CRLF1: variants seen among roughly 807,000 people sequenced by gnomAD.
CRLF1 encodes cytokine receptor like factor 1.
CRLF1 carries 36 observed loss-of-function variants against 48.9 expected under a neutral mutation model. That is an observed-to-expected ratio of 0.74 (90% CI 0.56 to 0.97). The LOEUF is 0.97. CRLF1 is among the 50% of genes least tolerant of loss of function. The probability of loss-of-function intolerance (pLI) is 0.00; values close to 1 mark genes in which losing one functional copy is unlikely to be tolerated. For missense variants in CRLF1, 534 were observed against 575.1 expected, an observed-to-expected ratio of 0.93 and a Z score of 0.73; for synonymous variants, 256 against 253.4, an observed-to-expected ratio of 1.01 and a Z score of -0.10.
At chr19:18,601,610 G>T (rs879836211) in intron 1 of CRLF1, among the ~76,000 whole-genome samples, 2 of 151,900 alleles carry the variant, frequency 1.3e-5, no homozygotes, top group Admixed American at 1.3e-4. Context: ...CGCCATGTTG[G>T]CCAGGCTGGT....
chr19:18,593,474 G>T lies in CRLF1; in HGVS notation c.*92C>A, dbSNP rs1434695081. On this transcript the variant is annotated 3_prime_UTR_variant, in exon 9 of 9. Coordinates refer to ENST00000392386, the MANE Select transcript of CRLF1 (RefSeq NM_004750.5). ...CCAGCTCCTGCTGAGGGTGGCTCAG[G>T]TGCCCTGAAGTGAGGGTACAGAGGT... 3.8e-6 allele frequency: 6 copies of T among 1,564,732 alleles called. No homozygotes were observed. The highest frequency in any genetic ancestry group is 1.4e-5 in the African/African-American group (1 of 74,062).
In CRLF1 at chr19:18,596,680, C is replaced by G; in HGVS notation, c.966G>C (p.Lys322Asn). 1 of 1,614,102 alleles carries G rather than the reference C, an allele frequency of 6.2e-7. No individual in the cohort carries two copies. The highest frequency in any genetic ancestry group is 1.1e-5 in the South Asian group (1 of 91,082). The stretch of plus-strand genomic sequence containing the variant: ...TCCACTCACTCCAGATCCCGGCTTT[C>G]TTGGAGCCATAGATGCCAAAGGGGT... ...RCNPFGIYGS[K>N]KAGIWSEWSH... is the part of the protein sequence containing the mutation. The change falls in exon 6 of 9, where the codon AAG becomes AAC. Residue 322 changes from lysine (K) to asparagine (N), a missense_variant. By Grantham distance (94) the Lys-to-Asn change is moderately conservative (BLOSUM62 0). Transcript: ENST00000392386.
At chr19:18,598,684 A>C in intron 3 of CRLF1, 83 bp from the exon 4 acceptor site, 1 of 1,613,700 alleles carries the variant, frequency 6.2e-7, no homozygotes. Context: ...GGGTGCAGAC[A>C]ACACATGGGG....
At chr19:18,599,475 C>CAGGCCAGA in intron 2 of CRLF1, 90 bp downstream of exon 2, 1 of 1,568,494 alleles carries the variant, frequency 6.4e-7, no homozygotes, top group South Asian at 1.1e-5. Context: ...AGCTCATCCC[C>CAGGCCAGA]AGGCCAGAAG....
chr19:18,598,716 G>A (rs1442566394), intron 3 of CRLF1, 56 bp downstream of exon 3: 2 of 1,613,836 alleles, frequency 1.2e-6, no homozygotes, highest in African/African-American at 2.7e-5. Flanking sequence ...GTCCGCGTTG[G>A]TCAAGGTCAC....
At chr19:18,603,920 C>G (rs973902716) in intron 1 of CRLF1, among the ~76,000 whole-genome samples, 1 of 151,970 alleles carries the variant, frequency 6.6e-6, no homozygotes, top group African/African-American at 2.4e-5. Context: ...GCCAGGGGAC[C>G]GCCCTGGAGG....
At chr19:18,598,299 A>C in intron 4 of CRLF1, 133 bp downstream of exon 4, 1 of 942,034 alleles carries the variant, frequency 1.1e-6, no homozygotes, top group South Asian at 1.6e-5. Context: ...AGCAGGGACA[A>C]CCCGGGAGTT....
At chr19:18,594,030 G>GCGGGGGGC in intron 8 of CRLF1, 35 bp downstream of exon 8, 19 of 1,315,278 alleles carry the variant, frequency 1.4e-5, no homozygotes, top group African/African-American at 3.0e-5. Context: ...CCCTCCCCTT[G>GCGGGGGGC]CTCCCTCCCG....
At position 18,599,669 on chromosome 19, in the gene CRLF1, A is replaced by G; in HGVS notation, c.293T>C (p.Leu98Pro). 1 of 1,613,396 alleles carries G rather than the reference A, an allele frequency of 6.2e-7. No individual in the cohort carries two copies. The highest frequency in any genetic ancestry group is 8.5e-7 in the Non-Finnish European group (1 of 1,179,868). The part of the protein sequence containing the change: ...SRVLNASTLA[L>P]ALANLNGSRQ... ...GGACCCATTGAGGTTGGCCAGGGCCAGAGCCAAGGTGGAGGCGTTGAGTAC... is the reference window on the plus strand; with the variant it reads ...GGACCCATTGAGGTTGGCCAGGGCCGGAGCCAAGGTGGAGGCGTTGAGTAC... Residue 98 changes from leucine (L) to proline (P), a missense_variant, in exon 2 of 9, where the codon CTG becomes CCG. Coordinates refer to ENST00000392386, the MANE Select transcript of CRLF1 (RefSeq NM_004750.5).
Position 18,597,301 on chromosome 19 carries a change from T to C in CRLF1, c.698-252A>G, listed in dbSNP as rs939377513. 3.9e-5 allele frequency among the ~76,000 whole-genome samples: 6 copies of C among 152,140 alleles called. 1 individual carries two copies. Among genetic ancestry groups the C allele is most frequent in the Admixed American group, 2.6e-4 (4 of 15,292 alleles). ...AAACATAATCCTATCTTCAACTGACTATGGGAAAGCAGCCATTGCGGGGTT... is the reference window on the plus strand; with the variant it reads ...AAACATAATCCTATCTTCAACTGACCATGGGAAAGCAGCCATTGCGGGGTT... On this transcript the variant is annotated intron_variant, in intron 4 of 8. Coordinates refer to ENST00000392386, the MANE Select transcript of CRLF1 (RefSeq NM_004750.5).
Position 18,599,804 on chromosome 19 carries a change from C to T in CRLF1, c.158G>A (p.Gly53Asp). ...ISPQDPTLLIGSSLLATCSVH... is the reference protein window; with the variant it reads ...ISPQDPTLLIDSSLLATCSVH... Reference sequence around the variant, plus strand: ...TGAGCAGGTGGCCAGCAGGGAGGAGCCGATGAGAAGCGTGGGATCCTGGGG... The same window carrying T: ...TGAGCAGGTGGCCAGCAGGGAGGAGTCGATGAGAAGCGTGGGATCCTGGGG... Residue 53 changes from glycine to aspartate, a missense_variant, in exon 2 of 9, where the codon GGC becomes GAC. Physicochemically the swap from Gly to Asp is moderately conservative, Grantham distance 94 (BLOSUM62 -1). This residue lies in a region of CRLF1 where 528 missense variants were observed against 555.7 expected (regional missense o/e 0.95). Transcript: ENST00000392386. 1.3e-6 allele frequency: 2 copies of T among 1,573,798 alleles called. No homozygotes were observed. The highest frequency in any genetic ancestry group is 1.7e-6 in the Non-Finnish European group (2 of 1,156,402).
intron 1 of CRLF1, among the ~76,000 whole-genome samples, chr19:18,602,609 C>T (rs1029087146): frequency 6.6e-6 from 1 of 151,424 alleles, no homozygotes; most frequent in Admixed American, 6.6e-5. Context: ...CAGTGAGACC[C>T]TGTCTCAAAA....
chr19:18,594,032 T>TTGCCA, intron 8 of CRLF1, 33 bp downstream of exon 8: 25 of 695,792 alleles, frequency 3.6e-5, no homozygotes, highest in Non-Finnish European at 5.3e-5. Flanking sequence ...CTCCCCTTGC[T>TTGCCA]CCCTCCCGCC....
intron 6 of CRLF1, among the ~76,000 whole-genome samples, chr19:18,595,145 G>A (rs1976114538): frequency 6.6e-6 from 1 of 152,216 alleles, no homozygotes; most frequent in African/African-American, 2.4e-5. Context: ...TCGGCCTCAC[G>A]TCATAAATAA....
chr19:18,602,990 C>T (rs946546783), intron 1 of CRLF1, among the ~76,000 whole-genome samples: 10 of 152,354 alleles, frequency 6.6e-5, no homozygotes, highest in Admixed American at 2.6e-4. Flanking sequence ...GGATGACAGG[C>T]GTGAGCCACT....
chr19:18,601,845 G>A (rs989213303), intron 1 of CRLF1, among the ~76,000 whole-genome samples: 4 of 152,158 alleles, frequency 2.6e-5, no homozygotes, highest in Admixed American at 2.6e-4. Context: ...TGGAATGAGG[G>A]AAGGCCATAC....
chr19:18,596,431 T>C (rs1401571245), intron 6 of CRLF1, among the ~76,000 whole-genome samples, 191 bp downstream of exon 6: 1 of 152,100 alleles, frequency 6.6e-6, no homozygotes, highest in East Asian at 1.9e-4. Flanking sequence ...TCCCAGCTAC[T>C]TGGGAGGCTC....
intron 1 of CRLF1, among the ~76,000 whole-genome samples, chr19:18,605,025 A>G (rs2145337757): frequency 6.6e-6 from 1 of 152,124 alleles, no homozygotes; most frequent in Non-Finnish European, 1.5e-5. Context: ...ACACTTTACG[A>G]CCCACCCGCC....
chr19:18,595,976 G>C (rs1293914619), intron 6 of CRLF1, among the ~76,000 whole-genome samples: 4 of 152,228 alleles, frequency 2.6e-5, no homozygotes, highest in Non-Finnish European at 5.9e-5. Flanking sequence ...AAACAGACCA[G>C]ATGGGGATGG....
Sources: allele counts gnomAD v4.1 joint callset (sites outside exome capture counted in the v4.1 genomes callset), GRCh38; gene constraint gnomAD v4.1.1; regional missense constraint gnomAD v4.1.1; transcripts MANE v1.5; gene names NCBI Gene and HGNC (gene_info 2026-07-23, HGNC 2026-07-21).